The following NTNG1 variants were observed in gnomAD, a reference collection of about 807,000 sequenced individuals.
The protein encoded by NTNG1 is netrin-G1.
In NTNG1, 16 loss-of-function variants were observed where a neutral mutation model predicts 54.0. That is an observed-to-expected ratio of 0.30 (90% CI 0.20 to 0.45). The LOEUF (loss-of-function observed/expected upper bound fraction) is 0.45, where lower values mean the gene tolerates loss of function less well. Ranked by LOEUF, NTNG1 falls within the 20% of genes least tolerant of loss-of-function variation. NTNG1 has a pLI of 1.00. For missense variants in NTNG1, 530 were observed against 678.7 expected (o/e 0.78, Z 2.43); for synonymous variants, 255 against 263.1 (o/e 0.97, Z 0.30).
At chr1:107,301,233 T>C (rs557019893) in intron 2 of NTNG1, among the ~76,000 whole-genome samples, 9 of 152,342 alleles carry the variant, frequency 5.9e-5, no homozygotes, top group Admixed American at 3.3e-4. Flanking sequence ...TTACATTATC[T>C]TTAAAAGACT....
chr1:107,345,502 T>C (rs1364774398), intron 3 of NTNG1, among the ~76,000 whole-genome samples: 1 of 152,126 alleles, frequency 6.6e-6, no homozygotes, highest in Non-Finnish European at 1.5e-5. Flanking sequence ...GAGAGCGGAT[T>C]ACTTTGGCTT....
chr1:107,439,873 T>A (rs1391722343), intron 7 of NTNG1, among the ~76,000 whole-genome samples: 1 of 151,870 alleles, frequency 6.6e-6, no homozygotes, highest in African/African-American at 2.4e-5. Flanking sequence ...GTTGATAATT[T>A]TTTTTTTTCA....
At chr1:107,292,221 G>A (rs537235704) in intron 2 of NTNG1, among the ~76,000 whole-genome samples, 2 of 152,332 alleles carry the variant, frequency 1.3e-5, no homozygotes, top group East Asian at 3.9e-4. Flanking sequence ...AGTGTTGCCA[G>A]TGGCAAATCT....
At chr1:107,157,710 G>A (rs1294377434) in intron 2 of NTNG1, among the ~76,000 whole-genome samples, 1 of 151,694 alleles carries the variant, frequency 6.6e-6, no homozygotes, top group African/African-American at 2.4e-5. Context: ...ATGTTTCTTG[G>A]CTATTTAAAT....
chr1:107,475,103 G>T (rs989730275), intron 7 of NTNG1, among the ~76,000 whole-genome samples: 15 of 152,168 alleles, frequency 9.9e-5, no homozygotes, highest in Non-Finnish European at 1.9e-4. Context: ...TATCAACAAA[G>T]ACCTCTGCCT....
At chr1:107,242,764 T>C (rs1661930539) in intron 2 of NTNG1, among the ~76,000 whole-genome samples, 1 of 152,224 alleles carries the variant, frequency 6.6e-6, no homozygotes, top group East Asian at 1.9e-4. Context: ...CTCCCTAATG[T>C]TGTGGCTGGA....
chr1:107,386,968 T>C (rs1379208894), intron 3 of NTNG1, among the ~76,000 whole-genome samples: 2 of 152,242 alleles, frequency 1.3e-5, no homozygotes, highest in East Asian at 1.9e-4. Flanking sequence ...CGTCTCATTG[T>C]CATTTTGATT....
intron 2 of NTNG1, among the ~76,000 whole-genome samples, chr1:107,188,374 A>C (rs1247855991): frequency 6.6e-6 from 1 of 152,046 alleles, no homozygotes; most frequent in East Asian, 1.9e-4. Flanking sequence ...ACAGGTCTAT[A>C]CCTTGGCCCC....
intron 2 of NTNG1, among the ~76,000 whole-genome samples, chr1:107,216,831 C>A (rs1384390119): frequency 6.6e-6 from 1 of 152,094 alleles, no homozygotes; most frequent in African/African-American, 2.4e-5. Flanking sequence ...GCATGTACCA[C>A]CACGACCAGC....
chr1:107,269,440 C>T (rs564745442), intron 2 of NTNG1, among the ~76,000 whole-genome samples: 3 of 152,136 alleles, frequency 2.0e-5, no homozygotes, highest in Admixed American at 6.5e-5. Flanking sequence ...TGTTTTTCCC[C>T]GTAACAGTTA....
rs561586895 is a variant in NTNG1, at chr1:107,198,031, C to T, written c.246+49192C>T. ...CAAAGGTAGATTCTAGTGTAACTTT[C>T]ATCACTACAGCTTATTTAGATATTC... On this transcript the variant is annotated intron_variant, in intron 2 of 7. Transcript: ENST00000370068. 9.9e-5 allele frequency among the ~76,000 whole-genome samples: 15 copies of T among 152,108 alleles called. No homozygotes were observed. The South Asian group carries it at 2.9e-3, about 29-fold the overall frequency.
intron 2 of NTNG1, among the ~76,000 whole-genome samples, chr1:107,309,182 T>C (rs1003925325): frequency 1.3e-5 from 2 of 152,150 alleles, no homozygotes; most frequent in Non-Finnish European, 2.9e-5. Context: ...ATCCACTATT[T>C]CTTAGGATGT....
chr1:107,396,739 A>G (rs1672709362), intron 4 of NTNG1, among the ~76,000 whole-genome samples: 1 of 152,164 alleles, frequency 6.6e-6, no homozygotes, highest in Non-Finnish European at 1.5e-5. Context: ...TAAAGTAAAA[A>G]TGGCTCAGAT....
At chr1:107,186,157 G>A in intron 2 of NTNG1, among the ~76,000 whole-genome samples, 1 of 152,024 alleles carries the variant, frequency 6.6e-6, no homozygotes, top group East Asian at 1.9e-4. Context: ...TAGGATAATG[G>A]CCTCCAGTTC....
intron 4 of NTNG1, among the ~76,000 whole-genome samples, chr1:107,401,398 G>T (rs2101116043): frequency 6.6e-6 from 1 of 152,188 alleles, no homozygotes; most frequent in Admixed American, 6.5e-5. Context: ...ATTGTCTGTG[G>T]TCCCTCATCT....
At chr1:107,153,518 T>G (rs1654746417) in intron 2 of NTNG1, among the ~76,000 whole-genome samples, 1 of 152,236 alleles carries the variant, frequency 6.6e-6, no homozygotes, top group East Asian at 1.9e-4. Flanking sequence ...TTTAAAAACC[T>G]TCAGTTCTTT....
chr1:107,455,015 G>A (rs1444068578), intron 7 of NTNG1, among the ~76,000 whole-genome samples: 1 of 152,024 alleles, frequency 6.6e-6, no homozygotes, highest in Non-Finnish European at 1.5e-5. Flanking sequence ...GGAAGCAGAG[G>A]CAAGAATGAG....
chr1:107,190,547 G>C (rs994390569), intron 2 of NTNG1, among the ~76,000 whole-genome samples: 6 of 152,014 alleles, frequency 3.9e-5, no homozygotes, highest in Non-Finnish European at 8.8e-5. Context: ...ATTTACATTA[G>C]GTATATCTCC....
At chr1:107,280,282 G>T (rs1307825629) in intron 2 of NTNG1, among the ~76,000 whole-genome samples, 1 of 145,382 alleles carries the variant, frequency 6.9e-6, no homozygotes, top group African/African-American at 2.6e-5. Context: ...TATTCTGTGT[G>T]TTCTCTGCTC....
Sources: gnomAD v4.1 joint callset for allele counts (sites outside exome capture counted in the v4.1 genomes callset) on GRCh38, gnomAD v4.1.1 for gene constraint, MANE v1.5 for transcripts, NCBI Gene and HGNC (gene_info 2026-07-23, HGNC 2026-07-21) for gene names.